ARIH1: variants seen among roughly 807,000 people sequenced by gnomAD.
The protein encoded by ARIH1 is E3 ubiquitin-protein ligase ARIH1.
A neutral mutation model predicts 85.0 loss-of-function variants in ARIH1; 8 were observed. The ratio of observed to expected loss-of-function variants is 0.09; its 90% CI spans 0.06 to 0.17. ARIH1 has a LOEUF of 0.17. Ranked by LOEUF, ARIH1 falls within the 10% of genes least tolerant of loss-of-function variation. The pLI, the probability that ARIH1 is intolerant of heterozygous loss-of-function variation, is 1.00. For synonymous variants in ARIH1, 238 were observed against 253.6 expected (o/e 0.94, Z 0.59); for missense variants, 311 against 718.1 (o/e 0.43, Z 6.48).
chr15:72,527,497 T>A (rs2064035534), intron 2 of ARIH1, among the ~76,000 whole-genome samples: 1 of 151,356 alleles, frequency 6.6e-6, no homozygotes, highest in Non-Finnish European at 1.5e-5. Flanking sequence ...TCTGTTTACC[T>A]TGCTAGCTTT....
intron 2 of ARIH1, among the ~76,000 whole-genome samples, chr15:72,537,464 A>G (rs2064087682): frequency 6.6e-6 from 1 of 152,184 alleles, no homozygotes; most frequent in African/African-American, 2.4e-5. Flanking sequence ...CCCATTCCCC[A>G]GAAGAGAAAG....
Position 72,515,721 on chromosome 15 carries a change from G to T in ARIH1, c.376-2346G>T, listed in dbSNP as rs150636172. On this transcript the variant is annotated intron_variant, in intron 1 of 13. Transcript: ENST00000379887. ...TGCCCCTCCCATTCCCACTTTGGTT[G>T]ATCTAGCACTTGAGCAGTGATTTAT... Among the ~76,000 whole-genome samples, 289 of 152,260 alleles carry T rather than the reference G, an allele frequency of 1.9e-3. 2 individuals carry two copies. The highest frequency in any genetic ancestry group is 6.5e-3 in the Admixed American group (100 of 15,288).
At chr15:72,543,995 G>C (rs2064118658) in intron 2 of ARIH1, among the ~76,000 whole-genome samples, 1 of 151,988 alleles carries the variant, frequency 6.6e-6, no homozygotes. Context: ...CTTAAGGTCT[G>C]CTCTACTATC....
chr15:72,508,386 G>A (rs533086626), intron 1 of ARIH1, among the ~76,000 whole-genome samples: 14 of 152,314 alleles, frequency 9.2e-5, no homozygotes, highest in African/African-American at 2.2e-4. Flanking sequence ...TATCAGTTTT[G>A]GTGGCACACC....
At chr15:72,475,183 A>T (rs1027413472) in intron 1 of ARIH1, 169 bp downstream of exon 1, 2 of 1,335,746 alleles carry the variant, frequency 1.5e-6, no homozygotes, top group African/African-American at 3.1e-5. Flanking sequence ...TCGAAAGCAG[A>T]GGTTCGCCGA....
intron 2 of ARIH1, among the ~76,000 whole-genome samples, chr15:72,543,172 T>C (rs1422064999): frequency 7.2e-5 from 11 of 151,974 alleles, no homozygotes; most frequent in Admixed American, 6.6e-4. Context: ...TGACCTCAAG[T>C]GATCCACCCA....
Position 72,586,968 on chromosome 15 carries a change from T to G in ARIH1, c.*3676T>G. ...GTTATATAGGGATGAAGGGAGAGTT[T>G]TCTTAAAGAAGGTCCCAAAGTTGAA... On this transcript the variant is annotated 3_prime_UTR_variant, in exon 14 of 14. Coordinates refer to ENST00000379887, the MANE Select transcript of ARIH1 (RefSeq NM_005744.5). 3.0e-6 allele frequency: 1 copy of G among 337,776 alleles called. No individual in the cohort carries two copies. Among genetic ancestry groups the G allele is most frequent in the South Asian group, 2.5e-5 (1 of 40,588 alleles). 20.9% of individuals were successfully genotyped at this position (337,776 alleles called of 1,614,324 possible).
intron 3 of ARIH1, among the ~76,000 whole-genome samples, chr15:72,554,849 G>A (rs1395340614): frequency 1.3e-5 from 2 of 152,094 alleles, no homozygotes; most frequent in African/African-American, 4.8e-5. Context: ...CGCCTCCCAG[G>A]CTCAGGCAGT....
At chr15:72,485,560 G>A (rs77933556) in intron 1 of ARIH1, among the ~76,000 whole-genome samples, 1 of 151,668 alleles carries the variant, frequency 6.6e-6, no homozygotes, top group East Asian at 1.9e-4. Flanking sequence ...ATCTACTTCC[G>A]TATTAGCTTT....
At chr15:72,476,605 C>T (rs756238066) in intron 1 of ARIH1, among the ~76,000 whole-genome samples, 4 of 152,130 alleles carry the variant, frequency 2.6e-5, no homozygotes, top group Non-Finnish European at 4.4e-5. Context: ...CCTTGTGATC[C>T]GCCTGCCTCG....
chr15:72,519,489 T>TG (rs1391269789), intron 2 of ARIH1, among the ~76,000 whole-genome samples: 1 of 134,550 alleles, frequency 7.4e-6, no homozygotes, highest in Admixed American at 8.1e-5. Context: ...TTTTTTTTTT[T>TG]TTTTTTTTTT....
At chr15:72,539,896 AAGT>A (rs2064098904) in intron 2 of ARIH1, among the ~76,000 whole-genome samples, 1 of 152,204 alleles carries the variant, frequency 6.6e-6, no homozygotes. Context: ...AATTATGTCT[AAGT>A]AGTTGGAGGT....
At position 72,593,811 on chromosome 15, in the gene ARIH1, A is replaced by G. The variant is rs2140446167; in HGVS notation, c.*10519A>G. ...TTCTTTGGATTGTCATAAAAGTTTT[A>G]CAATTAGCTCATCTTGTTTTTCAAA... is the stretch of plus-strand genomic sequence containing the variant. On this transcript the variant is annotated 3_prime_UTR_variant, in exon 14 of 14. Coordinates refer to ENST00000379887, the MANE Select transcript of ARIH1 (RefSeq NM_005744.5). The G allele has an allele frequency of 6.6e-6, 1 of 152,204 alleles. No individual in the cohort carries two copies. Among genetic ancestry groups the G allele is most frequent in the Non-Finnish European group, 1.5e-5 (1 of 67,996 alleles). The allele number at this position is 152,204 out of a possible 1,614,324, so 9.4% of individuals were successfully genotyped here.
In ARIH1 at chr15:72,474,629, C is replaced by G; in HGVS notation, c.-11C>G. 6.6e-7 allele frequency: 1 copy of G among 1,513,226 alleles called. No homozygotes were observed. The highest frequency in any genetic ancestry group is 8.8e-7 in the Non-Finnish European group (1 of 1,131,862). The allele number at this position is 1,513,226 out of a possible 1,614,324, so 93.7% of individuals were successfully genotyped here. A position where few individuals can be genotyped will look rare whatever the true frequency, so the allele number is the denominator to read the frequency against. ...TCGGCCAGCGTCCGCCGGGCCCCCG[C>G]GCGTCGCGCCATGGACTCGGACGAG... On this transcript the variant is annotated 5_prime_UTR_variant, in exon 1 of 14. Transcript: ENST00000379887.
At chr15:72,569,062 AC>A (rs1217862489) in intron 9 of ARIH1, among the ~76,000 whole-genome samples, 13 of 152,198 alleles carry the variant, frequency 8.5e-5, no homozygotes, top group Non-Finnish European at 1.9e-4. Flanking sequence ...TAATCCTAAC[AC>A]TTTGGGAGGC....
rs559502830 is a variant in ARIH1, at chr15:72,474,866, C to T, written c.227C>T (p.Pro76Leu). 128 of 1,418,568 alleles carry T rather than the reference C, an allele frequency of 9.0e-5. No homozygotes were observed. The South Asian group carries it at 1.9e-3, about 21-fold the overall frequency. The allele number at this position is 1,418,568 out of a possible 1,614,324, so 87.9% of individuals were successfully genotyped here. A position where few individuals can be genotyped will look rare whatever the true frequency, so the allele number is the denominator to read the frequency against. Reference protein sequence around the residue: ...TGGGGGSALGPGGGGGGGGGG... With the variant: ...TGGGGGSALGLGGGGGGGGGG... ...GGTGGCGGCGGCAGCGCTCTGGGGCCCGGCGGTGGCGGCGGCGGCGGCGGC... is the reference window on the plus strand; with the variant it reads ...GGTGGCGGCGGCAGCGCTCTGGGGCTCGGCGGTGGCGGCGGCGGCGGCGGC... Residue 76 changes from proline to leucine, a missense_variant, in exon 1 of 14, where the codon CCC becomes CTC. Physicochemically the swap from Pro to Leu is moderately conservative, Grantham distance 98. This residue lies in a region of ARIH1 where 157 missense variants were observed against 185.1 expected (regional missense o/e 0.85). Coordinates refer to ENST00000379887, the MANE Select transcript of ARIH1 (RefSeq NM_005744.5).
intron 1 of ARIH1, among the ~76,000 whole-genome samples, chr15:72,514,952 A>T (rs926112355): frequency 1.3e-5 from 2 of 152,134 alleles, no homozygotes; most frequent in East Asian, 3.8e-4. Context: ...ACGCCACTGC[A>T]CTCCAGCCTG....
chr15:72,579,442 G>A (rs2064286755), intron 11 of ARIH1, among the ~76,000 whole-genome samples: 1 of 152,202 alleles, frequency 6.6e-6, no homozygotes, highest in African/African-American at 2.4e-5. Flanking sequence ...TACATGGTAT[G>A]TAGTTGCCAC....
intron 1 of ARIH1, among the ~76,000 whole-genome samples, chr15:72,506,081 G>T (rs2063923418): frequency 6.6e-6 from 1 of 151,992 alleles, no homozygotes. Flanking sequence ...CAGGCGCGTG[G>T]CTCACGCCTA....
Sources: gnomAD v4.1 joint callset for allele counts (sites outside exome capture counted in the v4.1 genomes callset) on GRCh38, gnomAD v4.1.1 for gene constraint, gnomAD v4.1.1 regional missense constraint, MANE v1.5 for transcripts, NCBI Gene and HGNC (gene_info 2026-07-23, HGNC 2026-07-21) for gene names.